Variants in PEBP4 observed in about 807,000 individuals in gnomAD.
PEBP4 encodes the protein phosphatidylethanolamine binding protein 4.
A neutral mutation model predicts 23.9 loss-of-function variants in PEBP4; 22 were observed. The ratio of observed to expected loss-of-function variants is 0.92; its 90% CI spans 0.66 to 1.31. The LOEUF (loss-of-function observed/expected upper bound fraction) is 1.31. Ranked by LOEUF, PEBP4 falls within the 40% of genes most tolerant of loss-of-function variation. The pLI is 0.00. For missense variants in PEBP4, 324 were observed against 281.7 expected, an observed-to-expected ratio of 1.15 and a Z score of -1.07; for synonymous variants, 112 against 99.3, an observed-to-expected ratio of 1.13 and a Z score of -0.76.
chr8:22,904,243 C>T (rs915743204), intron 3 of PEBP4, among the ~76,000 whole-genome samples: 4 of 152,178 alleles, frequency 2.6e-5, no homozygotes, highest in Non-Finnish European at 4.4e-5. Context: ...CCCCAGGGCT[C>T]TCCGTACCTG....
chr8:22,871,552 ATTTTTTTTTT>A, intron 3 of PEBP4, among the ~76,000 whole-genome samples: 1 of 115,288 alleles, frequency 8.7e-6, no homozygotes, highest in South Asian at 2.9e-4. Flanking sequence ...GATTTCTGGG[ATTTTTTTTTT>A]TTTTTTTTTT....
intron 3 of PEBP4, among the ~76,000 whole-genome samples, chr8:22,912,017 G>T (rs1808948198): frequency 6.6e-6 from 1 of 152,116 alleles, no homozygotes; most frequent in Admixed American, 6.6e-5. Flanking sequence ...CTATCGGACT[G>T]GGGGTGGCGG....
intron 4 of PEBP4, among the ~76,000 whole-genome samples, chr8:22,749,870 G>A (rs1436679290): frequency 1.4e-5 from 2 of 140,324 alleles, no homozygotes; most frequent in Non-Finnish European, 3.0e-5. Flanking sequence ...GCAATGGCAC[G>A]ATGTTGTCTC....
chr8:22,817,513 G>A, intron 4 of PEBP4, 124 bp downstream of exon 4: 3 of 861,434 alleles, frequency 3.5e-6, no homozygotes, highest in South Asian at 3.1e-5. Flanking sequence ...GCTGAGCACT[G>A]GGGGAGATGG....
chr8:22,778,472 C>A (rs1214239829), intron 4 of PEBP4, among the ~76,000 whole-genome samples: 1 of 152,060 alleles, frequency 6.6e-6, no homozygotes, highest in East Asian at 1.9e-4. Context: ...GCAACCTCCG[C>A]CTCTTGGGTT....
chr8:22,763,239 C>T (rs771866892), intron 4 of PEBP4, among the ~76,000 whole-genome samples: 13 of 152,016 alleles, frequency 8.6e-5, no homozygotes, highest in South Asian at 2.1e-4. Flanking sequence ...TCCTGACCTC[C>T]GGTGATCTGC....
chr8:22,872,358 C>G (rs1345248538), intron 3 of PEBP4, among the ~76,000 whole-genome samples: 6 of 152,186 alleles, frequency 3.9e-5, no homozygotes, highest in Non-Finnish European at 7.3e-5. Context: ...GTTGCCAAGC[C>G]ACACCTCCTG....
intron 3 of PEBP4, among the ~76,000 whole-genome samples, chr8:22,869,375 G>A (rs1430401815): frequency 6.6e-6 from 1 of 152,152 alleles, no homozygotes; most frequent in Non-Finnish European, 1.5e-5. Context: ...CAGAAAGTGA[G>A]CTCCACAAGA....
chr8:22,830,977 A>C (rs1163465867), intron 3 of PEBP4, among the ~76,000 whole-genome samples: 2 of 152,168 alleles, frequency 1.3e-5, no homozygotes, highest in Non-Finnish European at 2.9e-5. Context: ...AATGTGTTCT[A>C]CAAGGTGTTG....
intron 4 of PEBP4, among the ~76,000 whole-genome samples, chr8:22,774,248 C>T (rs1298706375): frequency 6.6e-6 from 1 of 152,240 alleles, no homozygotes; most frequent in Non-Finnish European, 1.5e-5. Context: ...TCTTTCTCTA[C>T]TTCCACTTCC....
chr8:22,769,631 TTC>T (rs1805679142), intron 4 of PEBP4, among the ~76,000 whole-genome samples: 1 of 152,146 alleles, frequency 6.6e-6, no homozygotes, highest in Non-Finnish European at 1.5e-5. Context: ...CGAATGCCTC[TTC>T]TCTGTCATCT....
At chr8:22,846,480 C>T (rs191801502) in intron 3 of PEBP4, among the ~76,000 whole-genome samples, 10 of 152,264 alleles carry the variant, frequency 6.6e-5, no homozygotes, top group African/African-American at 2.4e-4. Context: ...ATCAGGTTCC[C>T]TCGCCCCACC....
At chr8:22,936,876 CAAAA>C (rs1186342179) in intron 1 of PEBP4, among the ~76,000 whole-genome samples, 2 of 151,858 alleles carry the variant, frequency 1.3e-5, no homozygotes, top group African/African-American at 4.8e-5. Flanking sequence ...TCAATTGATG[CAAAA>C]AAAGCATTTG....
At chr8:22,838,725 G>A (rs892223896) in intron 3 of PEBP4, among the ~76,000 whole-genome samples, 2 of 152,268 alleles carry the variant, frequency 1.3e-5, no homozygotes, top group East Asian at 1.9e-4. Context: ...GCTGTGGCTC[G>A]GCCCCCTCTG....
At chr8:22,814,710 T>C (rs1020887296) in intron 4 of PEBP4, among the ~76,000 whole-genome samples, 4 of 152,260 alleles carry the variant, frequency 2.6e-5, no homozygotes, top group African/African-American at 9.6e-5. Context: ...AGAGACTTTA[T>C]GGCAGGCTTT....
intron 2 of PEBP4, among the ~76,000 whole-genome samples, chr8:22,922,968 T>G (rs1156380957): frequency 6.6e-6 from 1 of 152,198 alleles, no homozygotes; most frequent in East Asian, 1.9e-4. Flanking sequence ...AGGGCATGAC[T>G]TTTACTGGGC....
chr8:22,817,590 C>G, intron 4 of PEBP4, 47 bp downstream of exon 4: 1 of 1,548,790 alleles, frequency 6.5e-7, no homozygotes, highest in Non-Finnish European at 8.9e-7. Context: ...GATAATCTTC[C>G]AGATACAACC....
intron 6 of PEBP4, among the ~76,000 whole-genome samples, chr8:22,716,572 C>A (rs1042235379): frequency 6.6e-5 from 10 of 152,240 alleles, no homozygotes; most frequent in Non-Finnish European, 1.2e-4. Context: ...GGCCCTGGGG[C>A]AGGTCTTGAC....
At chr8:22,819,436 T>C (rs116499489) in intron 3 of PEBP4, among the ~76,000 whole-genome samples, 5,341 of 152,190 alleles carry the variant, frequency 0.035, 103 homozygotes, top group African/African-American at 0.05. Flanking sequence ...AGGACTGATA[T>C]TTGGCTGGAA....
Sources: gnomAD v4.1 joint callset for allele counts (sites outside exome capture counted in the v4.1 genomes callset) on GRCh38, gnomAD v4.1.1 for gene constraint, MANE v1.5 for transcripts, NCBI Gene and HGNC (gene_info 2026-07-23, HGNC 2026-07-21) for gene names.